The following XKRX variants were observed in gnomAD, a reference collection of about 807,000 sequenced individuals.
XKRX encodes XK-related protein 2.
A neutral mutation model predicts 22.4 loss-of-function variants in XKRX; 11 were observed. The observed-to-expected ratio is 0.49, with a 90% confidence interval of 0.31 to 0.81. XKRX has a LOEUF of 0.81. Ranked by LOEUF, XKRX falls within the 40% of genes least tolerant of loss-of-function variation. XKRX has a pLI of 0.05. For missense variants in XKRX, 320 were observed against 336.5 expected, an observed-to-expected ratio of 0.95 and a Z score of 0.38; for synonymous variants, 114 against 132.2, an observed-to-expected ratio of 0.86 and a Z score of 0.94.
the XKRX span, among the ~76,000 whole-genome samples, chrX:100,894,615 T>C: frequency 9.0e-6 from 1 of 111,166 alleles, no homozygotes; most frequent in Non-Finnish European, 1.9e-5. Context: ...AGCTAATTTT[T>C]AAATGTTTTG....
chrX:100,915,097 A>C lies in XKRX; in HGVS notation c.605-14T>G. On this transcript the variant is annotated splice_polypyrimidine_tract_variant and intron_variant, in intron 2 of 2. Coordinates refer to ENST00000372956, the MANE Select transcript of XKRX (RefSeq NM_212559.3). ...CCATTAGCACAACTGTTAAAAACAA[A>C]AACAAAAACAAAAACAGGCAATCAG... is the stretch of plus-strand genomic sequence containing the variant. The C allele has an allele frequency of 8.4e-7, 1 of 1,195,791 alleles. No individual in the cohort carries two copies. Among genetic ancestry groups the C allele is most frequent in the Non-Finnish European group, 1.1e-6 (1 of 887,732 alleles).
At chrX:100,935,008 A>G in the XKRX span, among the ~76,000 whole-genome samples, 4 of 112,004 alleles carry the variant, frequency 3.6e-5, no homozygotes, top group African/African-American at 1.3e-4. Flanking sequence ...AGAGAGAGAG[A>G]GAGTATGTAA....
chrX:100,950,755 C>G, the XKRX span, among the ~76,000 whole-genome samples: 1 of 111,863 alleles, frequency 8.9e-6, no homozygotes, highest in Admixed American at 9.5e-5. Flanking sequence ...GGGAAAATCT[C>G]CAAACATTTG....
At chrX:100,908,219 C>T in the XKRX span, among the ~76,000 whole-genome samples, 1 of 108,377 alleles carries the variant, frequency 9.2e-6, no homozygotes, top group Non-Finnish European at 1.9e-5. Flanking sequence ...TGGGCTCAAG[C>T]GATTCTCATG....
At chrX:100,896,601 T>C in the XKRX span, among the ~76,000 whole-genome samples, 1 of 111,898 alleles carries the variant, frequency 8.9e-6, no homozygotes, top group Admixed American at 9.5e-5. Flanking sequence ...GATGAAGTAA[T>C]AGGAACGGAA....
rs1267875874 is a variant in XKRX, at chrX:100,928,054, G to A, written c.251C>T (p.Thr84Ile). ...TAGATCTCTGTGGACAAAAATGAGG[G>A]TCAACTGGACCATAATGGATGAAAA... ...FMFSSIMVQL[T>I]LIFVHRDLAK... Residue 84 changes from threonine (T) to isoleucine (I), a missense_variant, in exon 1 of 3, where the codon ACC (threonine) becomes ATC (isoleucine). Thr to Ile is a moderately conservative substitution (Grantham distance 89). Coordinates refer to ENST00000372956, the MANE Select transcript of XKRX (RefSeq NM_212559.3). 3 of 1,208,839 alleles carry A rather than the reference G, an allele frequency of 2.5e-6. No individual in the cohort carries two copies. The African/African-American group carries it at 5.3e-5, about 21-fold the overall frequency.
chrX:100,952,362 G>GGTGGCA, the XKRX span, among the ~76,000 whole-genome samples: 4 of 109,236 alleles, frequency 3.7e-5, no homozygotes, highest in East Asian at 1.1e-3. Flanking sequence ...TAAGGTTAGG[G>GGTGGCA]GTGGCAGTGG....
chrX:100,923,140 G>A, intron 1 of XKRX, 79 bp from the exon 2 acceptor site: 2 of 1,119,951 alleles, frequency 1.8e-6, no homozygotes, highest in Non-Finnish European at 2.4e-6. Context: ...AAAATAACTT[G>A]GGGAGGTTGT....
chrX:100,908,248 C>T, the XKRX span, among the ~76,000 whole-genome samples: 1 of 109,539 alleles, frequency 9.1e-6, no homozygotes, highest in African/African-American at 3.3e-5. Flanking sequence ...TCCCAAGTAG[C>T]TGTGAGTACA....
the XKRX span, among the ~76,000 whole-genome samples, chrX:100,900,370 A>G: frequency 9.0e-6 from 1 of 110,802 alleles, no homozygotes; most frequent in Non-Finnish European, 1.9e-5. Context: ...CCCAGTCCTT[A>G]TTTTTTCACT....
chrX:100,949,257 G>C, the XKRX span, among the ~76,000 whole-genome samples: 24 of 111,583 alleles, frequency 2.2e-4, no homozygotes, highest in African/African-American at 7.5e-4. Flanking sequence ...AGTGTCAGCA[G>C]GGTCCAGCAG....
At chrX:100,912,199 GA>G (rs2085409561), downstream of XKRX, among the ~76,000 whole-genome samples, 1 of 111,577 alleles carries the variant, frequency 9.0e-6, no homozygotes, top group South Asian at 3.8e-4. Flanking sequence ...TGTTCTTCTG[GA>G]GGTCTGATAG....
the XKRX span, among the ~76,000 whole-genome samples, chrX:100,887,383 A>C: frequency 8.9e-6 from 1 of 112,543 alleles, no homozygotes; most frequent in African/African-American, 3.2e-5. Context: ...AAAAATCTAC[A>C]TTAAAACCCT....
In XKRX at chrX:100,914,927, C is replaced by CG. The variant is rs1569454128; in HGVS notation, c.760dup (p.Arg254ProfsTer30). 3.3e-6 allele frequency: 4 copies of CG among 1,211,508 alleles called. No individual in the cohort carries two copies. The South Asian group carries it at 7.0e-5, about 21-fold the overall frequency. On this transcript the variant is annotated frameshift_variant, in exon 3 of 3. Transcript: ENST00000372956. LOFTEE classifies it high-confidence loss of function. ...TGAGAAGAGCACCAGAATCAGGAGG[C>CG]GGGAAGTGATCTCCAATGTCCGCCA... is the stretch of plus-strand genomic sequence containing the variant.
downstream of XKRX, among the ~76,000 whole-genome samples, chrX:100,909,902 C>CAAAAAAAA: frequency 5.8e-5 from 2 of 34,550 alleles, no homozygotes; most frequent in Non-Finnish European, 1.1e-4. Flanking sequence ...GACTCCATCT[C>CAAAAAAAA]AAAAAAAAAA....
chrX:100,926,720 G>A (rs888853921), intron 1 of XKRX, among the ~76,000 whole-genome samples: 1 of 111,782 alleles, frequency 8.9e-6, no homozygotes, highest in Non-Finnish European at 1.9e-5. Flanking sequence ...GTTGACACAG[G>A]TGCCTATCTC....
chrX:100,933,167 CAA>C (rs368329309), upstream of XKRX, among the ~76,000 whole-genome samples: 4 of 85,795 alleles, frequency 4.7e-5, no homozygotes. Context: ...AACTCTGTCT[CAA>C]AAAAAAAAAA....
the XKRX span, among the ~76,000 whole-genome samples, chrX:100,947,200 G>A: frequency 8.9e-6 from 1 of 111,864 alleles, no homozygotes; most frequent in African/African-American, 3.2e-5. Flanking sequence ...GGATATGCCA[G>A]TTTCTCAGCC....
the XKRX span, among the ~76,000 whole-genome samples, chrX:100,946,206 C>T: frequency 8.2e-5 from 9 of 109,596 alleles, no homozygotes; most frequent in African/African-American, 2.7e-4. Flanking sequence ...AAAAAAAAGC[C>T]TAGCATGGTG....
Sources: allele counts gnomAD v4.1 joint callset (sites outside exome capture counted in the v4.1 genomes callset), GRCh38; gene constraint gnomAD v4.1.1; transcripts MANE v1.5; gene names NCBI Gene and HGNC (gene_info 2026-07-23, HGNC 2026-07-21).